PIK3C2B: variants seen among roughly 807,000 people sequenced by gnomAD.
The protein encoded by PIK3C2B is phosphatidylinositol-4-phosphate 3-kinase catalytic subunit type 2 beta, also known as phosphatidylinositol 4-phosphate 3-kinase C2 domain-containing subunit beta.
Under a neutral mutation model 184.3 loss-of-function variants are expected in PIK3C2B, and 83 were observed. The observed-to-expected ratio is 0.45, with a 90% CI of 0.38 to 0.54. PIK3C2B has a LOEUF of 0.54. Among genes scored for constraint, PIK3C2B ranks in the 20% least tolerant of loss-of-function variants. The pLI is 0.00. For synonymous variants in PIK3C2B, 779 were observed against 837.6 expected (o/e 0.93, Z 1.21); for missense variants, 1,736 against 2,113.5 (o/e 0.82, Z 3.50).
intron 30 of PIK3C2B, 105 bp from the exon 31 acceptor site, chr1:204,427,859 C>A: frequency 1.3e-6 from 1 of 780,602 alleles, no homozygotes; most frequent in Non-Finnish European, 2.2e-6. Context: ...ATTTCTGATA[C>A]TCATGAGGCA....
At chr1:204,455,174 T>C (rs1310357973) in intron 11 of PIK3C2B, among the ~76,000 whole-genome samples, 3 of 152,202 alleles carry the variant, frequency 2.0e-5, no homozygotes, top group African/African-American at 7.2e-5. Flanking sequence ...TATGCCGACA[T>C]GAATGCCAAC....
At chr1:204,470,377 AGGCT>A (rs1365630813) in intron 1 of PIK3C2B, among the ~76,000 whole-genome samples, 1 of 152,192 alleles carries the variant, frequency 6.6e-6, no homozygotes, top group African/African-American at 2.4e-5. Flanking sequence ...CATGTTGGCC[AGGCT>A]GGTTTCGAAC....
At chr1:204,474,629 CT>C (rs1291654939) in intron 1 of PIK3C2B, among the ~76,000 whole-genome samples, 1 of 152,088 alleles carries the variant, frequency 6.6e-6, no homozygotes, top group Non-Finnish European at 1.5e-5. Context: ...TTGTCCACCC[CT>C]GAAATGTTGG....
intron 22 of PIK3C2B, 49 bp downstream of exon 22, chr1:204,440,143 A>T: frequency 6.4e-7 from 1 of 1,567,568 alleles, no homozygotes; most frequent in Non-Finnish European, 8.6e-7. Flanking sequence ...CAGAAGGACA[A>T]TAAGCAAAGC....
intron 12 of PIK3C2B, among the ~76,000 whole-genome samples, chr1:204,453,983 C>T (rs1654596222): frequency 6.6e-6 from 1 of 151,774 alleles, no homozygotes; most frequent in African/African-American, 2.4e-5. Flanking sequence ...CCATGTTGGT[C>T]AGGCTGGTCT....
Position 204,434,628 on chromosome 1 carries a change from A to G in PIK3C2B, c.3517-20T>C, listed in dbSNP as rs760455227. The G allele has an allele frequency of 1.9e-6, 3 of 1,597,674 alleles. No homozygotes were observed. The highest frequency in any genetic ancestry group is 1.7e-6 in the Non-Finnish European group (2 of 1,168,272). On this transcript the variant is annotated intron_variant, in intron 23 of 32. Transcript: ENST00000684373. ...CACAGCCTGGGAGGGGTCAAGGCAG[A>G]TGGGAGGAGAGGACATAAAGCTGGC...
intron 12 of PIK3C2B, among the ~76,000 whole-genome samples, chr1:204,452,005 T>C (rs1001207235): frequency 1.3e-5 from 2 of 152,192 alleles, no homozygotes; most frequent in African/African-American, 4.8e-5. Context: ...GCCCAAAGAC[T>C]GTCCTCTGAA....
chr1:204,427,417 T>A (rs1674801192), intron 31 of PIK3C2B, among the ~76,000 whole-genome samples: 1 of 152,192 alleles, frequency 6.6e-6, no homozygotes, highest in African/African-American at 2.4e-5. Flanking sequence ...ATTTTCCTCA[T>A]TCTAATGAGG....
In PIK3C2B at chr1:204,460,621, G is replaced by A. The variant is rs773548781; in HGVS notation, c.1351C>T (p.Arg451Cys). The change falls in exon 6 of 33, where the codon CGC becomes TGC. Residue 451 changes from arginine to cysteine, a missense_variant. By Grantham distance (180) the Arg-to-Cys change is radical. This residue lies in a region of PIK3C2B where 609 missense variants were observed against 699.2 expected (regional missense o/e 0.87). Coordinates refer to ENST00000684373, the MANE Select transcript of PIK3C2B (RefSeq NM_001377334.1). ...AGCCGAATGTCAATGTCAAACTTGCGGCAGTATTGGATGTACTCATGACTG... is the reference window on the plus strand; with the variant it reads ...AGCCGAATGTCAATGTCAAACTTGCAGCAGTATTGGATGTACTCATGACTG... ...LGSHEYIQYC[R>C]KFDIDIRLQL... 29 of 1,613,906 alleles carry A rather than the reference G, an allele frequency of 1.8e-5. No individual in the cohort carries two copies. The highest frequency in any genetic ancestry group is 8.3e-5 in the Admixed American group (5 of 60,010).
At chr1:204,426,369 T>C (rs555822553) in intron 31 of PIK3C2B, among the ~76,000 whole-genome samples, 126 of 152,346 alleles carry the variant, frequency 8.3e-4, no homozygotes, top group African/African-American at 2.4e-3. Context: ...GACGCACCCC[T>C]GGCAGGCTCC....
At chr1:204,474,553 C>T (rs1000028000) in intron 1 of PIK3C2B, among the ~76,000 whole-genome samples, 1 of 152,140 alleles carries the variant, frequency 6.6e-6, no homozygotes, top group African/African-American at 2.4e-5. Context: ...AACCCTCTCC[C>T]GCTGGCTTTC....
At chr1:204,472,677 G>A (rs1656390771) in intron 1 of PIK3C2B, among the ~76,000 whole-genome samples, 1 of 152,090 alleles carries the variant, frequency 6.6e-6, no homozygotes, top group South Asian at 2.1e-4. Context: ...CTACTCAGGA[G>A]GCTGAGGCAG....
At chr1:204,439,513 T>C (rs1307742900) in intron 22 of PIK3C2B, among the ~76,000 whole-genome samples, 1 of 152,212 alleles carries the variant, frequency 6.6e-6, no homozygotes, top group African/African-American at 2.4e-5. Flanking sequence ...CTCATAAATA[T>C]TTCAAGTGTA....
At position 204,422,684 on chromosome 1, in the gene PIK3C2B, T is replaced by C. The variant is rs1674557080; in HGVS notation, c.*2168A>G. On this transcript the variant is annotated 3_prime_UTR_variant, in exon 33 of 33. Coordinates refer to ENST00000684373, the MANE Select transcript of PIK3C2B (RefSeq NM_001377334.1). ...AAAATACAATTCCCGAGAAAGGAGA[T>C]ACAAGGGATTCTGGGAAGTGGGAAG... 1 of 152,542 alleles carries C rather than the reference T, an allele frequency of 6.6e-6. No individual in the cohort carries two copies. Among genetic ancestry groups the C allele is most frequent in the African/African-American group, 2.4e-5 (1 of 41,416 alleles). The allele number at this position is 152,542 out of a possible 1,614,324, so 9.4% of individuals were successfully genotyped here. A position where few individuals can be genotyped will look rare whatever the true frequency, so the allele number is the denominator to read the frequency against.
rs554566415 is a variant in PIK3C2B, at chr1:204,433,784, GCTC to G, written c.3843+6_3843+8del. Reference sequence around the variant, plus strand: ...AAGAAGGTATTCGGAAAGGGATGGAGCTCCTCACCAGGCCCAGAAGGTTGAGGA... The same window carrying G: ...AAGAAGGTATTCGGAAAGGGATGGAGCTCACCAGGCCCAGAAGGTTGAGGA... On this transcript the variant is annotated splice_donor_region_variant and intron_variant, in intron 25 of 32. Coordinates refer to ENST00000684373, the MANE Select transcript of PIK3C2B (RefSeq NM_001377334.1). The surrounding 1 kb of genome is among the most constrained non-coding windows in gnomAD (Gnocchi z 5.0). 4.3e-3 allele frequency: 6,975 copies of G among 1,612,138 alleles called. 21 individuals carry two copies. Among genetic ancestry groups the G allele is most frequent in the Non-Finnish European group, 5.2e-3 (6,092 of 1,178,196 alleles).
At chr1:204,458,494 A>AT (rs1158541930) in intron 8 of PIK3C2B, among the ~76,000 whole-genome samples, 5,500 of 142,014 alleles carry the variant, frequency 0.039, 325 homozygotes, top group African/African-American at 0.12. Flanking sequence ...GGCTATGACA[A>AT]TTTTTTTTTT....
chr1:204,457,157 C>T, intron 9 of PIK3C2B, 87 bp from the exon 10 acceptor site: 1 of 1,145,112 alleles, frequency 8.7e-7, no homozygotes. Context: ...CAGCTGCGCT[C>T]ATCTGGACCA....
Position 204,429,689 on chromosome 1 carries a change from G to A in PIK3C2B, c.4398+232C>T, listed in dbSNP as rs118037647. On this transcript the variant is annotated intron_variant, in intron 29 of 32. Coordinates refer to ENST00000684373, the MANE Select transcript of PIK3C2B (RefSeq NM_001377334.1). ...CTCATTCTCATCATTCTCAGCCCAT[G>A]TGCCTCGATGCATTCACCTTTCTGT... is the stretch of plus-strand genomic sequence containing the variant. 7.8e-4 allele frequency among the ~76,000 whole-genome samples: 117 copies of A among 150,084 alleles called. 3 individuals carry two copies. The East Asian group carries it at 0.018, about 23-fold the overall frequency.
intron 1 of PIK3C2B, among the ~76,000 whole-genome samples, chr1:204,493,482 A>AG (rs1553314072): frequency 6.6e-6 from 1 of 151,316 alleles, no homozygotes; most frequent in South Asian, 2.1e-4. Context: ...GCGGGTGGAG[A>AG]GGAGAAAAGG....
Sources: allele counts gnomAD v4.1 joint callset (sites outside exome capture counted in the v4.1 genomes callset), GRCh38; gene constraint gnomAD v4.1.1; regional missense constraint gnomAD v4.1.1; non-coding constraint Gnocchi (gnomAD v3.1); transcripts MANE v1.5; gene names NCBI Gene and HGNC (gene_info 2026-07-23, HGNC 2026-07-21).